The following KAT2B variants were observed in gnomAD, a reference collection of about 807,000 sequenced individuals.
The protein encoded by KAT2B is lysine acetyltransferase 2B.
KAT2B carries 36 observed loss-of-function variants against 105.9 expected under a neutral mutation model. The observed-to-expected ratio is 0.34, with a 90% confidence interval of 0.26 to 0.45. KAT2B has a LOEUF of 0.45. Ranked by LOEUF, KAT2B falls within the 20% of genes least tolerant of loss-of-function variation. KAT2B has a pLI of 1.00. For missense variants in KAT2B, 820 were observed against 1,021.6 expected (o/e 0.80, Z 2.69); for synonymous variants, 397 against 377.9 (o/e 1.05, Z -0.59).
At chr3:20,052,222 C>T (rs1168655320) in intron 1 of KAT2B, among the ~76,000 whole-genome samples, 1 of 152,202 alleles carries the variant, frequency 6.6e-6, no homozygotes, top group Non-Finnish European at 1.5e-5. Context: ...CCATCTATCA[C>T]TCTATAATCT....
At chr3:20,045,124 T>A (rs1697785770) in intron 1 of KAT2B, among the ~76,000 whole-genome samples, 1 of 151,860 alleles carries the variant, frequency 6.6e-6, no homozygotes, top group Non-Finnish European at 1.5e-5. Flanking sequence ...AAGTGATCCT[T>A]CCACCTTAGC....
At chr3:20,088,647 T>G (rs1698662444) in intron 2 of KAT2B, among the ~76,000 whole-genome samples, 1 of 152,210 alleles carries the variant, frequency 6.6e-6, no homozygotes, top group Non-Finnish European at 1.5e-5. Flanking sequence ...GGATATTAGC[T>G]TCATCAAATG....
chr3:20,138,170 C>T (rs1048555734), intron 12 of KAT2B, among the ~76,000 whole-genome samples: 3 of 152,034 alleles, frequency 2.0e-5, no homozygotes, highest in Non-Finnish European at 4.4e-5. Flanking sequence ...AATTCTGTCA[C>T]CCCAAGAAAT....
chr3:20,151,537 CATAA>C (rs1423370939), intron 17 of KAT2B, among the ~76,000 whole-genome samples: 2 of 151,968 alleles, frequency 1.3e-5, no homozygotes, highest in South Asian at 2.1e-4. Flanking sequence ...ACCAGGGAAC[CATAA>C]ATAGACAAAT....
chr3:20,133,835 T>G (rs2125186138), intron 11 of KAT2B, among the ~76,000 whole-genome samples: 1 of 152,316 alleles, frequency 6.6e-6, no homozygotes, highest in East Asian at 1.9e-4. Flanking sequence ...TCAAGTGCAA[T>G]ATTTCATTTT....
intron 17 of KAT2B, chr3:20,148,752 A>G (rs1034735329): frequency 5.6e-6 from 2 of 358,334 alleles, no homozygotes; most frequent in Non-Finnish European, 1.0e-5. Context: ...TGCAGACAGC[A>G]CTAGATTTGA....
At chr3:20,125,483 TA>T (rs1699385165) in intron 9 of KAT2B, among the ~76,000 whole-genome samples, 1 of 152,180 alleles carries the variant, frequency 6.6e-6, no homozygotes, top group Non-Finnish European at 1.5e-5. Flanking sequence ...TATTTTTAAA[TA>T]AAGTTTTATT....
chr3:20,128,008 G>T (rs1344828241), intron 11 of KAT2B, among the ~76,000 whole-genome samples: 1 of 152,140 alleles, frequency 6.6e-6, no homozygotes, highest in Non-Finnish European at 1.5e-5. Flanking sequence ...ACTGGTAATG[G>T]TCTAGGGGTT....
chr3:20,058,453 C>CAAAAAA (rs35239760), intron 1 of KAT2B, among the ~76,000 whole-genome samples: 1 of 74,542 alleles, frequency 1.3e-5, no homozygotes, highest in Non-Finnish European at 2.5e-5. Flanking sequence ...GACTCTGTCT[C>CAAAAAA]AAAAAAAAAA....
At chr3:20,048,064 G>T (rs919921541) in intron 1 of KAT2B, among the ~76,000 whole-genome samples, 1 of 152,166 alleles carries the variant, frequency 6.6e-6, no homozygotes, top group Non-Finnish European at 1.5e-5. Flanking sequence ...TGGATAAGAT[G>T]TTGTTTTAAA....
chr3:20,132,035 A>T lies in KAT2B; in HGVS notation c.1749+4486A>T, dbSNP rs142623636. ...CTGAAAACACAAGATAACATATGAG[A>T]ATTTATTTGAAGCTCCTCTCCTGAT... On this transcript the variant is annotated intron_variant, in intron 11 of 17. Coordinates refer to ENST00000263754, the MANE Select transcript of KAT2B (RefSeq NM_003884.5). Among the ~76,000 whole-genome samples, 4 of 152,290 alleles carry T rather than the reference A, an allele frequency of 2.6e-5. No homozygotes were observed. In the East Asian group the frequency reaches 7.7e-4, roughly 29 times the overall value.
At chr3:20,045,283 G>T (rs572725540) in intron 1 of KAT2B, among the ~76,000 whole-genome samples, 3 of 151,928 alleles carry the variant, frequency 2.0e-5, no homozygotes, top group African/African-American at 7.2e-5. Context: ...CTCCCAAAGC[G>T]CTGGGATTAC....
At position 20,079,393 on chromosome 3, in the gene KAT2B, C is replaced by T. The variant is rs548855103; in HGVS notation, c.430+6934C>T. Among the ~76,000 whole-genome samples the T allele has an allele frequency of 1.3e-4, 19 of 151,436 alleles. No individual in the cohort carries two copies. The East Asian group carries it at 3.3e-3, about 27-fold the overall frequency. On this transcript the variant is annotated intron_variant, in intron 2 of 17. Coordinates refer to ENST00000263754, the MANE Select transcript of KAT2B (RefSeq NM_003884.5). ...CTAATTTTTGTGTTTTTAGTAGAGA[C>T]GGGTTTTATCATGTTGACCAAGCTG...
At chr3:20,113,134 A>C (rs1377911102) in intron 6 of KAT2B, among the ~76,000 whole-genome samples, 1 of 152,322 alleles carries the variant, frequency 6.6e-6, no homozygotes, top group African/African-American at 2.4e-5. Flanking sequence ...GAAGCACTTA[A>C]ACTGCAGTTT....
In KAT2B at chr3:20,122,695, A is replaced by G; in HGVS notation, c.1304A>G (p.His435Arg). Residue 435 changes from histidine to arginine, a missense_variant, in exon 9 of 18, where the codon CAT (histidine) becomes CGT (arginine). By Grantham distance (29) the His-to-Arg change is conservative. Transcript: ENST00000263754. Reference protein sequence around the residue: ...PGEKRKMTDSHVLEEAKKPRV... With the variant: ...PGEKRKMTDSRVLEEAKKPRV... ...GAAAAGAGGAAAATGACTGATTCTC[A>G]TGTTCTGGAGGAGGCCAAGAAACCC... is the stretch of plus-strand genomic sequence containing the variant. The G allele has an allele frequency of 3.1e-6, 5 of 1,613,970 alleles. No individual in the cohort carries two copies. The highest frequency in any genetic ancestry group is 3.4e-6 in the Non-Finnish European group (4 of 1,179,914).
chr3:20,085,088 A>G (rs561390446), intron 2 of KAT2B, among the ~76,000 whole-genome samples: 9 of 152,276 alleles, frequency 5.9e-5, no homozygotes, highest in African/African-American at 9.6e-5. Context: ...AGAGGCTCAC[A>G]CCTGTAATCC....
At chr3:20,091,417 C>T (rs1354227266) in intron 2 of KAT2B, among the ~76,000 whole-genome samples, 1 of 151,780 alleles carries the variant, frequency 6.6e-6, no homozygotes, top group Non-Finnish European at 1.5e-5. Flanking sequence ...AAAGTTTGTC[C>T]ATTTTTTTTA....
chr3:20,128,343 T>C (rs1366293750), intron 11 of KAT2B, among the ~76,000 whole-genome samples: 1 of 152,240 alleles, frequency 6.6e-6, no homozygotes, highest in East Asian at 1.9e-4. Flanking sequence ...AGATTTCTTA[T>C]GACCTTGTCC....
At position 20,111,774 on chromosome 3, in the gene KAT2B, A is replaced by T. The variant is rs755088472; in HGVS notation, c.1030A>T (p.Thr344Ser). Residue 344 changes from threonine (T) to serine (S), a missense_variant, in exon 6 of 18, where the codon ACT becomes TCT. By Grantham distance (58) the Thr-to-Ser change is moderately conservative. Transcript: ENST00000263754. ...LPLEKRTLIL[T>S]HFPKFLSMLE... ...TCTTGAAAAACGAACTCTAATCCTCACTCATTTCCCAAAGTAAGGGAGAGT... is the reference window on the plus strand; with the variant it reads ...TCTTGAAAAACGAACTCTAATCCTCTCTCATTTCCCAAAGTAAGGGAGAGT... The T allele has an allele frequency of 5.0e-6, 8 of 1,611,328 alleles. No homozygotes were observed. In the East Asian group the frequency reaches 1.8e-4, roughly 36 times the overall value.
Sources: gnomAD v4.1 joint callset for allele counts (sites outside exome capture counted in the v4.1 genomes callset) on GRCh38, gnomAD v4.1.1 for gene constraint, MANE v1.5 for transcripts, NCBI Gene and HGNC (gene_info 2026-07-23, HGNC 2026-07-21) for gene names.